RECQL5: variants seen among roughly 807,000 people sequenced by gnomAD.
The protein encoded by RECQL5 is ATP-dependent DNA helicase Q5.
A neutral mutation model predicts 103.4 loss-of-function variants in RECQL5; 88 were observed. That is an observed-to-expected ratio of 0.85 (90% CI 0.72 to 1.02). The LOEUF (loss-of-function observed/expected upper bound fraction) is 1.02. RECQL5 is among the 50% of genes least tolerant of loss of function. The pLI is 0.00. For synonymous variants in RECQL5, 552 were observed against 507.9 expected (o/e 1.09, Z -1.17); for missense variants, 1,232 against 1,284.3 (o/e 0.96, Z 0.62).
chr17:75,658,566 G>C (rs1487319237), intron 6 of RECQL5, 106 bp from the exon 7 acceptor site: 6 of 1,002,424 alleles, frequency 6.0e-6, no homozygotes, highest in Non-Finnish European at 9.0e-6. Context: ...GATAGGGAGG[G>C]AGAGGGATAG....
intron 8 of RECQL5, chr17:75,641,217 T>G (rs763863449): frequency 1.1e-4 from 34 of 302,870 alleles, no homozygotes; most frequent in Non-Finnish European, 1.7e-4. Flanking sequence ...CATACCTTGA[T>G]GGAGAACAGT....
At chr17:75,660,813 T>C (rs181102676) in intron 6 of RECQL5, 142 bp downstream of exon 6, 88 of 678,860 alleles carry the variant, frequency 1.3e-4, no homozygotes, top group Non-Finnish European at 2.0e-4. Context: ...ATTCAGGCTG[T>C]ATTCTAAGGA....
chr17:75,649,078 G>A (rs1373289034), intron 8 of RECQL5: 2 of 152,120 alleles, frequency 1.3e-5, no homozygotes, highest in Admixed American at 6.6e-5. Flanking sequence ...ATATTTATCA[G>A]CTGAATAAAT....
chr17:75,661,167 C>T, intron 5 of RECQL5, 101 bp from the exon 6 acceptor site: 1 of 864,378 alleles, frequency 1.2e-6, no homozygotes, highest in South Asian at 1.4e-5. Flanking sequence ...CTTCACAAAC[C>T]CTGAATCTTT....
intron 7 of RECQL5, among the ~76,000 whole-genome samples, chr17:75,653,007 C>T (rs2059574279): frequency 6.6e-6 from 1 of 152,220 alleles, no homozygotes; most frequent in East Asian, 1.9e-4. Context: ...AAACCCAAGG[C>T]ATGACTGCCG....
At position 75,640,340 on chromosome 17, in the gene RECQL5, C is replaced by T. The variant is rs567735753; in HGVS notation, c.1230-8672G>A. 1.3e-6 allele frequency: 2 copies of T among 1,537,876 alleles called. No homozygotes were observed. The highest frequency in any genetic ancestry group is 2.0e-5 in the Admixed American group (1 of 49,430). On this transcript the variant is annotated intron_variant, in intron 8 of 19. Coordinates refer to ENST00000317905, the MANE Select transcript of RECQL5 (RefSeq NM_004259.7). The surrounding 1 kb of genome is among the most constrained non-coding windows in gnomAD (Gnocchi z 4.6). ...CATCCTTTTCACAGGTTAGTTGGGG[C>T]ACTCAGCACCCCATGGCTCTCCCTG...
chr17:75,651,423 A>ACCAGC (rs2059554575), intron 7 of RECQL5, among the ~76,000 whole-genome samples, 158 bp from the exon 8 acceptor site: 1 of 152,134 alleles, frequency 6.6e-6, no homozygotes, highest in Admixed American at 6.5e-5. Context: ...GGAGTTCGAG[A>ACCAGC]CCAGCCTGAC....
At chr17:75,657,132 C>T (rs1467522426) in intron 7 of RECQL5, among the ~76,000 whole-genome samples, 1 of 152,096 alleles carries the variant, frequency 6.6e-6, no homozygotes, top group East Asian at 1.9e-4. Flanking sequence ...ACTCTGGGAG[C>T]CTAAGGTGGG....
chr17:75,656,404 C>A (rs1599046839), intron 7 of RECQL5, among the ~76,000 whole-genome samples: 1 of 152,118 alleles, frequency 6.6e-6, no homozygotes, highest in African/African-American at 2.4e-5. Flanking sequence ...GAAAAAAACT[C>A]GTGTTAACAG....
rs757982273 is a variant in RECQL5, at chr17:75,662,904, G to T, written c.346C>A (p.Leu116Met). The change falls in exon 4 of 20, where the codon CTG becomes ATG. Residue 116 changes from leucine to methionine, a missense_variant. By Grantham distance (15) the Leu-to-Met change is conservative. Transcript: ENST00000317905. ...AQERKELLAD[L>M]EREKPQTKIL... ...TTGGTCTGGGGCTTTTCTCGCTCCAGGTCAGCAAGCAGCTCCTTCCTTTCC... is the reference window on the plus strand; with the variant it reads ...TTGGTCTGGGGCTTTTCTCGCTCCATGTCAGCAAGCAGCTCCTTCCTTTCC... The T allele has an allele frequency of 1.9e-6, 3 of 1,614,050 alleles. No homozygotes were observed. In the African/African-American group the frequency reaches 4.0e-5, roughly 22 times the overall value.
rs777336988 is a variant in RECQL5 at position 75,631,226 on chromosome 17, C to T, written c.1472G>A (p.Ser491Asn). The T allele has an allele frequency of 6.2e-7, 1 of 1,613,940 alleles. No homozygotes were observed. Among genetic ancestry groups the T allele is most frequent in the Non-Finnish European group, 8.5e-7 (1 of 1,180,022 alleles). The change falls in exon 10 of 20, where the codon AGC becomes AAC. Residue 491 changes from serine (S) to asparagine (N), a missense_variant. Transcript: ENST00000317905. ...FSRYDEGSGG[S>N]GDEGRDEAHK... is the part of the protein sequence containing the mutation. ...GGCCTCATCTCTGCCTTCATCCCCG[C>T]TGCCTCCAGAACCTTCGTCATACCT... is the stretch of plus-strand genomic sequence containing the variant.
chr17:75,639,623 G>C (rs549719422), intron 8 of RECQL5: 1 of 152,688 alleles, frequency 6.5e-6, no homozygotes, highest in Admixed American at 6.5e-5. Context: ...CCCTCTGGCA[G>C]AACAGGCATG....
intron 6 of RECQL5, among the ~76,000 whole-genome samples, chr17:75,659,674 C>CT (rs1219601813): frequency 6.6e-6 from 1 of 152,184 alleles, no homozygotes; most frequent in East Asian, 1.9e-4. Context: ...GGTTCGAACT[C>CT]TGATTCTGAA....
intron 8 of RECQL5, chr17:75,649,038 A>G (rs1248739951): frequency 6.6e-6 from 1 of 152,092 alleles, no homozygotes; most frequent in South Asian, 2.1e-4. Context: ...CCCATGTCCA[A>G]TGTGCCTGGC....
At position 75,644,442 on chromosome 17, in the gene RECQL5, C is replaced by A. The variant is rs566828490; in HGVS notation, c.1229+6744G>T. Among the ~76,000 whole-genome samples the A allele has an allele frequency of 4.8e-4, 73 of 151,482 alleles. 1 individual carries two copies. The highest frequency in any genetic ancestry group is 1.5e-3 in the African/African-American group (62 of 41,234). Reference sequence around the variant, plus strand: ...GCAACATGGGGAGACCCTGTCCCTACAAATATAAAAAAAAATTAGCCAGGT... The same window carrying A: ...GCAACATGGGGAGACCCTGTCCCTAAAAATATAAAAAAAAATTAGCCAGGT... On this transcript the variant is annotated intron_variant, in intron 8 of 19. Coordinates refer to ENST00000317905, the MANE Select transcript of RECQL5 (RefSeq NM_004259.7).
chr17:75,656,671 T>C (rs756445427), intron 7 of RECQL5, among the ~76,000 whole-genome samples: 1 of 152,078 alleles, frequency 6.6e-6, no homozygotes, highest in Non-Finnish European at 1.5e-5. Context: ...TGTGTTGTCA[T>C]TTCTACCTGC....
At chr17:75,641,720 T>G (rs2059437766) in intron 8 of RECQL5, among the ~76,000 whole-genome samples, 1 of 152,204 alleles carries the variant, frequency 6.6e-6, no homozygotes, top group Non-Finnish European at 1.5e-5. Context: ...TGCCTGCACC[T>G]TTGGCCTGCA....
chr17:75,640,754 C>A lies in RECQL5; in HGVS notation c.1230-9086G>T. Reference sequence around the variant, plus strand: ...AGGAGGGTGGGCATCCTTTCTCTCCCCCAACCTGAGTCCCGTGCTCTCTCC... The same window carrying A: ...AGGAGGGTGGGCATCCTTTCTCTCCACCAACCTGAGTCCCGTGCTCTCTCC... On this transcript the variant is annotated intron_variant, in intron 8 of 19. Coordinates refer to ENST00000317905, the MANE Select transcript of RECQL5 (RefSeq NM_004259.7). This position sits in a 1 kb window ranked among gnomAD's most constrained non-coding sequence, Gnocchi z 4.6. 1 of 1,540,792 alleles carries A rather than the reference C, an allele frequency of 6.5e-7. No individual in the cohort carries two copies. Among genetic ancestry groups the A allele is most frequent in the Non-Finnish European group, 8.8e-7 (1 of 1,140,152 alleles).
At position 75,647,663 on chromosome 17, in the gene RECQL5, C is replaced by T. The variant is rs563163383; in HGVS notation, c.1229+3523G>A. On this transcript the variant is annotated intron_variant, in intron 8 of 19. Transcript: ENST00000317905. ...TTCGCGGTTCCCTCTGGCTCAGGGG[C>T]CAAGCCCTGGTGTCTTCCTTTCCCA... 4.2e-5 allele frequency: 50 copies of T among 1,177,212 alleles called. 1 individual carries two copies. The South Asian group carries it at 6.3e-4, about 15-fold the overall frequency. 72.9% of individuals were successfully genotyped at this position (1,177,212 alleles called of 1,614,324 possible). A position where few individuals can be genotyped will look rare whatever the true frequency, so the allele number is the denominator to read the frequency against.
Sources: gnomAD v4.1 joint callset for allele counts (sites outside exome capture counted in the v4.1 genomes callset) on GRCh38, gnomAD v4.1.1 for gene constraint, Gnocchi (gnomAD v3.1) non-coding constraint, MANE v1.5 for transcripts, NCBI Gene and HGNC (gene_info 2026-07-23, HGNC 2026-07-21) for gene names.